The following PCDHA8 variants were observed in gnomAD, a reference collection of about 807,000 sequenced individuals.
The protein encoded by PCDHA8 is protocadherin alpha 8, also known as protocadherin alpha-8.
PCDHA8 carries 53 observed loss-of-function variants against 61.8 expected under a neutral mutation model. That is an observed-to-expected ratio of 0.86 (90% CI 0.69 to 1.08). The LOEUF is 1.08. Ranked by LOEUF, PCDHA8 falls within the 50% of genes least tolerant of loss-of-function variation. PCDHA8 has a pLI of 0.00. For synonymous variants in PCDHA8, 618 were observed against 556.6 expected (o/e 1.11, Z -1.55); for missense variants, 1,293 against 1,245.0 (o/e 1.04, Z -0.58).
intron 3 of PCDHA8, among the ~76,000 whole-genome samples, chr5:140,985,765 A>G (rs2097169846): frequency 7.8e-6 from 1 of 128,516 alleles, no homozygotes; most frequent in African/African-American, 3.0e-5. Flanking sequence ...TTTTTGAGAC[A>G]GTCTCGCTCT....
chr5:140,864,629 A>G (rs2048549336), intron 1 of PCDHA8: 1 of 152,244 alleles, frequency 6.6e-6, no homozygotes, highest in Non-Finnish European at 1.5e-5. Context: ...TAAAAAGAAA[A>G]CAAAACAAAA....
intron 1 of PCDHA8, chr5:140,856,511 G>A (rs1554148790): frequency 6.3e-7 from 1 of 1,598,478 alleles, no homozygotes; most frequent in Non-Finnish European, 8.6e-7. Context: ...TCCACTAGAA[G>A]GCGCATCTGA....
chr5:140,886,827 GA>G (rs782016620), intron 1 of PCDHA8, among the ~76,000 whole-genome samples: 1,709 of 60,916 alleles, frequency 0.028, 12 homozygotes, highest in African/African-American at 0.032. Flanking sequence ...ACTTCGTCTT[GA>G]AAAAAAAAAA....
At chr5:140,922,863 G>A (rs1429324543) in intron 1 of PCDHA8, among the ~76,000 whole-genome samples, 10 of 152,160 alleles carry the variant, frequency 6.6e-5, no homozygotes, top group Admixed American at 5.2e-4. Context: ...ACATAGACAA[G>A]GGGAAAAAAT....
At chr5:140,888,503 T>C (rs1582952197) in intron 1 of PCDHA8, among the ~76,000 whole-genome samples, 1 of 152,132 alleles carries the variant, frequency 6.6e-6, no homozygotes, top group East Asian at 1.9e-4. Context: ...CTTTAAAGAG[T>C]CTTGGACTTA....
intron 1 of PCDHA8, among the ~76,000 whole-genome samples, chr5:140,880,237 T>C (rs2058279701): frequency 6.6e-6 from 1 of 152,148 alleles, no homozygotes; most frequent in Non-Finnish European, 1.5e-5. Flanking sequence ...AATTAGTGTA[T>C]GTGCGTGTGT....
At position 140,841,421 on chromosome 5, in the gene PCDHA8, T is replaced by C; in HGVS notation, c.100T>C (p.Ser34Pro). 6 of 1,612,988 alleles carry C rather than the reference T, an allele frequency of 3.7e-6. No individual in the cohort carries two copies. Among genetic ancestry groups the C allele is most frequent in the Non-Finnish European group, 5.1e-6 (6 of 1,179,858 alleles). ...WKVGSGQLHYSVPEEAKHGTF... is the reference protein window; with the variant it reads ...WKVGSGQLHYPVPEEAKHGTF... ...GGTGGGGAGCGGCCAGCTCCACTAC[T>C]CCGTCCCCGAGGAGGCCAAACACGG... is the stretch of plus-strand genomic sequence containing the variant. The change falls in exon 1 of 4, where the codon TCC becomes CCC. Residue 34 changes from serine to proline, a missense_variant. By Grantham distance (74) the Ser-to-Pro change is moderately conservative. Transcript: ENST00000531613.
At chr5:140,867,507 C>A (rs190699676) in intron 1 of PCDHA8, 36 of 152,086 alleles carry the variant, frequency 2.4e-4, no homozygotes, top group African/African-American at 7.5e-4. Context: ...AGAACAAAAT[C>A]TCAAATTAAT....
At chr5:140,960,823 G>A (rs370898808) in intron 1 of PCDHA8, among the ~76,000 whole-genome samples, 2 of 152,012 alleles carry the variant, frequency 1.3e-5, no homozygotes, top group East Asian at 3.9e-4. Context: ...AGTGATGAAT[G>A]GAAACTTGGA....
intron 1 of PCDHA8, among the ~76,000 whole-genome samples, chr5:140,936,021 T>TA (rs2090725097): frequency 1.3e-5 from 2 of 151,374 alleles, no homozygotes; most frequent in African/African-American, 4.9e-5. Flanking sequence ...GCCTCCCGAG[T>TA]AGCGGGGATT....
intron 1 of PCDHA8, among the ~76,000 whole-genome samples, chr5:140,909,973 G>A (rs2074802854): frequency 6.6e-6 from 1 of 152,198 alleles, no homozygotes; most frequent in Admixed American, 6.5e-5. Context: ...GGGGAAGGAT[G>A]GGAGAAAGAC....
At chr5:140,879,960 C>T (rs781917048) in intron 1 of PCDHA8, among the ~76,000 whole-genome samples, 3 of 152,168 alleles carry the variant, frequency 2.0e-5, no homozygotes, top group Non-Finnish European at 4.4e-5. Flanking sequence ...TCTGGATAAT[C>T]CAGGATAAAC....
chr5:140,850,615 T>C, intron 1 of PCDHA8: 1 of 1,598,228 alleles, frequency 6.3e-7, no homozygotes, highest in Non-Finnish European at 8.6e-7. Flanking sequence ...ATCTGCGCGG[T>C]GTCTAGCCTG....
chr5:140,858,302 A>T, intron 1 of PCDHA8: 1 of 1,597,158 alleles, frequency 6.3e-7, no homozygotes, highest in South Asian at 1.1e-5. Context: ...CTCGCAGCAG[A>T]GGCGGCAGAG....
At chr5:140,956,454 A>G (rs1276644004) in intron 1 of PCDHA8, among the ~76,000 whole-genome samples, 1 of 152,212 alleles carries the variant, frequency 6.6e-6, no homozygotes, top group African/African-American at 2.4e-5. Flanking sequence ...AATTACATTT[A>G]TTGATTTGCA....
At chr5:140,894,363 C>T (rs971503382) in intron 1 of PCDHA8, among the ~76,000 whole-genome samples, 1 of 151,968 alleles carries the variant, frequency 6.6e-6, no homozygotes, top group Admixed American at 6.5e-5. Context: ...ATTTCTTCTT[C>T]AATGGCTCCA....
intron 1 of PCDHA8, chr5:140,875,784 C>T (rs782115108): frequency 3.7e-5 from 60 of 1,614,200 alleles, no homozygotes; most frequent in Non-Finnish European, 5.0e-5. Flanking sequence ...AGTGCAGTAT[C>T]CACCTGGAGG....
intron 1 of PCDHA8, chr5:140,857,804 G>T: frequency 6.3e-7 from 1 of 1,597,858 alleles, no homozygotes. Context: ...GTCGGTGGTT[G>T]CGGGTCACGT....
chr5:140,943,830 G>C (rs1245752469), intron 1 of PCDHA8, among the ~76,000 whole-genome samples: 1 of 152,198 alleles, frequency 6.6e-6, no homozygotes, highest in Non-Finnish European at 1.5e-5. Context: ...TGAGTTGATT[G>C]AAGTTGTAAG....
Sources: allele counts gnomAD v4.1 joint callset (sites outside exome capture counted in the v4.1 genomes callset), GRCh38; gene constraint gnomAD v4.1.1; transcripts MANE v1.5; gene names NCBI Gene and HGNC (gene_info 2026-07-23, HGNC 2026-07-21).